RPS6KA3: variants seen among roughly 807,000 people sequenced by gnomAD.
RPS6KA3 encodes ribosomal protein S6 kinase alpha-3.
RPS6KA3 carries 4 observed loss-of-function variants against 67.2 expected under a neutral mutation model. The ratio of observed to expected loss-of-function variants is 0.06; its 90% CI spans 0.03 to 0.14. The LOEUF (loss-of-function observed/expected upper bound fraction) is 0.14, where lower values mean the gene tolerates loss of function less well. Among genes scored for constraint, RPS6KA3 ranks in the 10% least tolerant of loss-of-function variants. The probability of loss-of-function intolerance (pLI) is 1.00; values close to 1 mark genes in which losing one functional copy is unlikely to be tolerated. For missense variants in RPS6KA3, 204 were observed against 559.0 expected (o/e 0.36, Z 6.40); for synonymous variants, 182 against 183.7 (o/e 0.99, Z 0.07).
At chrX:20,257,357 A>G (rs2070101040) in intron 1 of RPS6KA3, among the ~76,000 whole-genome samples, 1 of 112,387 alleles carries the variant, frequency 8.9e-6, no homozygotes, top group Non-Finnish European at 1.9e-5. Context: ...AGAAAAAGTA[A>G]TATTTGAACT....
At chrX:20,224,695 T>C (rs2069067866) in intron 2 of RPS6KA3, among the ~76,000 whole-genome samples, 1 of 111,658 alleles carries the variant, frequency 9.0e-6, no homozygotes, top group African/African-American at 3.3e-5. Context: ...ATAAGTTTCA[T>C]GAAGATGATC....
Position 20,220,271 on chromosome X carries a change from CAGGGACCCAAATAAATATCTA to C in RPS6KA3, c.127-10888_127-10868del, listed in dbSNP as rs771582624. Among the ~76,000 whole-genome samples the C allele has an allele frequency of 3.6e-3, 399 of 111,528 alleles. 2 individuals carry two copies. Among genetic ancestry groups the C allele is most frequent in the African/African-American group, 0.012 (382 of 30,723 alleles). ...ATACAATCAAATACATTAGCAGCAA[CAGGGACCCAAATAAATATCTA>C]AGATAGAACTTTGAATTCCGCCCGG... On this transcript the variant is annotated intron_variant, in intron 2 of 21. Transcript: ENST00000379565.
chrX:20,184,397 C>CTTTT (rs1176222205), intron 10 of RPS6KA3, among the ~76,000 whole-genome samples: 1 of 86,453 alleles, frequency 1.2e-5, no homozygotes, highest in Non-Finnish European at 2.3e-5. Flanking sequence ...CATTACTTTT[C>CTTTT]TTTTTTTTTT....
chrX:20,201,154 A>T (rs1405345286), intron 4 of RPS6KA3, among the ~76,000 whole-genome samples: 1 of 110,752 alleles, frequency 9.0e-6, no homozygotes, highest in Non-Finnish European at 1.9e-5. Context: ...ATGAAATAAC[A>T]TGCATTCATC....
At chrX:20,201,976 CTTTTTTT>C (rs1282039865) in intron 4 of RPS6KA3, among the ~76,000 whole-genome samples, 171 of 82,731 alleles carry the variant, frequency 2.1e-3, no homozygotes, top group African/African-American at 6.3e-3. Context: ...TTTCTTTTTT[CTTTTTTT>C]TTTTTTTTTT....
intron 1 of RPS6KA3, among the ~76,000 whole-genome samples, chrX:20,263,787 G>A (rs1327936282): frequency 9.0e-6 from 1 of 111,574 alleles, no homozygotes; most frequent in Non-Finnish European, 1.9e-5. Flanking sequence ...CAATATGTCA[G>A]GGCCAGGCAT....
chrX:20,259,099 T>C (rs894557482), intron 1 of RPS6KA3, among the ~76,000 whole-genome samples: 7 of 111,877 alleles, frequency 6.3e-5, no homozygotes, highest in Non-Finnish European at 1.1e-4. Flanking sequence ...CCAGAGGTAT[T>C]TGTACATGAT....
intron 1 of RPS6KA3, among the ~76,000 whole-genome samples, chrX:20,258,705 C>A (rs1232489324): frequency 8.9e-6 from 1 of 111,739 alleles, no homozygotes; most frequent in Non-Finnish European, 1.9e-5. Context: ...TATAAGAGAC[C>A]ATGGATATAT....
intron 20 of RPS6KA3, among the ~76,000 whole-genome samples, chrX:20,160,513 G>A (rs947673391): frequency 9.9e-5 from 11 of 110,891 alleles, no homozygotes; most frequent in African/African-American, 3.0e-4. Context: ...TGCAACCTCC[G>A]CCTCCCTAGC....
chrX:20,179,244 T>C (rs1209845222), intron 10 of RPS6KA3, among the ~76,000 whole-genome samples: 1 of 111,610 alleles, frequency 9.0e-6, no homozygotes, highest in Non-Finnish European at 1.9e-5. Flanking sequence ...AAAGATACAT[T>C]TAGTTCAAAG....
chrX:20,253,472 G>A (rs1247487270), intron 1 of RPS6KA3, among the ~76,000 whole-genome samples: 1 of 110,212 alleles, frequency 9.1e-6, no homozygotes, highest in Non-Finnish European at 1.9e-5. Flanking sequence ...GAATTCCCTG[G>A]GTTTTCTTGA....
At chrX:20,187,129 C>A (rs2068005421) in intron 9 of RPS6KA3, among the ~76,000 whole-genome samples, 1 of 111,917 alleles carries the variant, frequency 8.9e-6, no homozygotes, top group Non-Finnish European at 1.9e-5. Context: ...GTTGGCCAGG[C>A]TGGTTTCGAA....
chrX:20,201,042 T>C (rs1291526200), intron 4 of RPS6KA3, among the ~76,000 whole-genome samples: 2 of 112,154 alleles, frequency 1.8e-5, no homozygotes, highest in East Asian at 5.6e-4. Flanking sequence ...TTATAAATAA[T>C]GTTGCAACAA....
chrX:20,236,750 T>C (rs1007845065), intron 1 of RPS6KA3, among the ~76,000 whole-genome samples: 1 of 111,844 alleles, frequency 8.9e-6, no homozygotes, highest in Non-Finnish European at 1.9e-5. Context: ...ATAAAATCTT[T>C]ATTTTCCTAA....
At chrX:20,205,137 T>G (rs1236222980) in intron 3 of RPS6KA3, among the ~76,000 whole-genome samples, 1 of 112,453 alleles carries the variant, frequency 8.9e-6, no homozygotes, top group Admixed American at 9.4e-5. Context: ...CTGTTCTAAA[T>G]AACTCATGGT....
rs2067153359 is a variant in RPS6KA3, at chrX:20,154,615, C to T, written c.*783G>A. 8.9e-6 allele frequency: 1 copy of T among 112,847 alleles called. No homozygotes were observed. Among genetic ancestry groups the T allele is most frequent in the African/African-American group, 3.2e-5 (1 of 30,965 alleles). The allele number at this position is 112,847 out of a possible 1,213,427, so 9.3% of individuals were successfully genotyped here. ...AACTTCATAGGTGTATTCTTGATTTCATGCCACACACATATGATAACTTTC... is the reference window on the plus strand; with the variant it reads ...AACTTCATAGGTGTATTCTTGATTTTATGCCACACACATATGATAACTTTC... On this transcript the variant is annotated 3_prime_UTR_variant, in exon 22 of 22. Coordinates refer to ENST00000379565, the MANE Select transcript of RPS6KA3 (RefSeq NM_004586.3).
chrX:20,237,362 A>G (rs997287439), intron 1 of RPS6KA3, among the ~76,000 whole-genome samples: 14 of 111,691 alleles, frequency 1.3e-4, no homozygotes, highest in African/African-American at 4.5e-4. Context: ...CTTGAGCTAC[A>G]CGTACGTTTT....
At chrX:20,241,404 C>T in intron 1 of RPS6KA3, among the ~76,000 whole-genome samples, 1 of 104,355 alleles carries the variant, frequency 9.6e-6, no homozygotes, top group East Asian at 2.9e-4. Context: ...GGAATCCATG[C>T]CACAGAGGAC....
intron 1 of RPS6KA3, among the ~76,000 whole-genome samples, chrX:20,245,316 G>A (rs1310113428): frequency 2.7e-5 from 3 of 111,947 alleles, no homozygotes; most frequent in African/African-American, 9.7e-5. Context: ...CTGATTCTAT[G>A]TTTAAAGCTG....
Sources: allele counts gnomAD v4.1 joint callset (sites outside exome capture counted in the v4.1 genomes callset), GRCh38; gene constraint gnomAD v4.1.1; transcripts MANE v1.5; gene names NCBI Gene and HGNC (gene_info 2026-07-23, HGNC 2026-07-21).